The following SVOPL variants were observed in gnomAD, a reference collection of about 807,000 sequenced individuals.
The protein encoded by SVOPL is putative transporter SVOPL.
SVOPL carries 60 observed loss-of-function variants against 61.0 expected under a neutral mutation model. The ratio of observed to expected loss-of-function variants is 0.98; its 90% CI spans 0.80 to 1.22. The LOEUF is 1.22. Ranked by LOEUF, SVOPL falls within the 50% of genes most tolerant of loss-of-function variation. SVOPL has a pLI of 0.00. For missense variants in SVOPL, 662 were observed against 643.9 expected, an observed-to-expected ratio of 1.03 and a Z score of -0.30; for synonymous variants, 279 against 250.0, an observed-to-expected ratio of 1.12 and a Z score of -1.09.
At chr7:138,635,667 T>C (rs1432505098) in intron 9 of SVOPL, among the ~76,000 whole-genome samples, 1 of 152,078 alleles carries the variant, frequency 6.6e-6, no homozygotes, top group Non-Finnish European at 1.5e-5. Context: ...CACGTGGAGA[T>C]GGTGAAGTCT....
Position 138,628,278 on chromosome 7 carries a change from C to A in SVOPL, c.949G>T (p.Asp317Tyr). The change falls in exon 11 of 16, where the codon GAC (aspartate) becomes TAC (tyrosine). Residue 317 changes from aspartate to tyrosine, a missense_variant. Transcript: ENST00000674285. ...ERDLVCGSKS[D>Y]SAVVVTGGDS... ...CCCCCAGTCACCACCACCGCAGAGT[C>A]TGACTTTGAACCACAGACCAAGTCC... 6.2e-7 allele frequency: 1 copy of A among 1,614,220 alleles called. No individual in the cohort carries two copies. The highest frequency in any genetic ancestry group is 8.5e-7 in the Non-Finnish European group (1 of 1,180,048).
intron 14 of SVOPL, among the ~76,000 whole-genome samples, chr7:138,599,170 G>C (rs13229249): frequency 1.8e-4 from 10 of 54,512 alleles, no homozygotes; most frequent in Non-Finnish European, 3.5e-4. Context: ...AAAAAAAAAA[G>C]AAATACAGAA....
intron 9 of SVOPL, among the ~76,000 whole-genome samples, chr7:138,641,834 A>ATATGTTATAT (rs1554464902): frequency 3.4e-5 from 1 of 29,492 alleles, no homozygotes; most frequent in East Asian, 1.3e-3. Context: ...ATATATATAT[A>ATATGTTATAT]ACATATATAT....
intron 14 of SVOPL, among the ~76,000 whole-genome samples, chr7:138,618,711 A>T (rs201843962): frequency 0.14 from 14,478 of 102,328 alleles, 961 homozygotes; most frequent in Non-Finnish European, 0.18. Context: ...CACACGCGCG[A>T]GAGAGAGAGA....
intron 1 of SVOPL, among the ~76,000 whole-genome samples, chr7:138,685,162 C>T (rs545300756): frequency 4.6e-5 from 7 of 152,042 alleles, no homozygotes; most frequent in Non-Finnish European, 1.0e-4. Context: ...CGACTCCCGA[C>T]CTCAGGTGAT....
At chr7:138,611,843 C>G in intron 14 of SVOPL, among the ~76,000 whole-genome samples, 1 of 71,656 alleles carries the variant, frequency 1.4e-5, no homozygotes, top group Non-Finnish European at 2.9e-5. Flanking sequence ...CTTGGCCTCC[C>G]AAAGTGCCGA....
At chr7:138,689,432 T>C (rs368581548) in intron 1 of SVOPL, 1 of 1,208,076 alleles carries the variant, frequency 8.3e-7, no homozygotes. Flanking sequence ...TGATCCTTAC[T>C]GAAAAGGAAC....
chr7:138,696,906 T>C (rs1416739341), intron 1 of SVOPL, among the ~76,000 whole-genome samples: 1 of 152,076 alleles, frequency 6.6e-6, no homozygotes, highest in Non-Finnish European at 1.5e-5. Flanking sequence ...CCCCACCTGC[T>C]CTCCATTACT....
chr7:138,677,793 C>T (rs1802605044), intron 3 of SVOPL, among the ~76,000 whole-genome samples: 2 of 141,490 alleles, frequency 1.4e-5, no homozygotes, highest in South Asian at 2.2e-4. Context: ...GACGCAGTCT[C>T]GCTCTGTCAT....
rs749603417 is a variant in SVOPL at position 138,642,831 on chromosome 7, C to CAAAAAAAAAAAAAAA, written c.789+1871_789+1885dup. On this transcript the variant is annotated intron_variant, in intron 9 of 15. Transcript: ENST00000674285. ...GACGATAGAGCGAGACTCCTACCTCCAAAAAAAAAAAAAAAAAAAGAAGAA... is the reference window on the plus strand; with the variant it reads ...GACGATAGAGCGAGACTCCTACCTCCAAAAAAAAAAAAAAAAAAAAAAAAAAAAAAAAAAGAAGAA... 1.5e-3 allele frequency among the ~76,000 whole-genome samples: 41 copies of CAAAAAAAAAAAAAAA among 26,888 alleles called. 1 individual carries two copies. Among genetic ancestry groups the CAAAAAAAAAAAAAAA allele is most frequent in the South Asian group, 4.0e-3 (2 of 504 alleles). The allele number at this position is 26,888 out of a possible 152,430, so 17.6% of individuals were successfully genotyped here.
At chr7:138,697,208 C>T (rs989660997) in intron 1 of SVOPL, among the ~76,000 whole-genome samples, 10 of 151,758 alleles carry the variant, frequency 6.6e-5, no homozygotes, top group Admixed American at 2.0e-4. Flanking sequence ...CCCATCTCTA[C>T]AAAAATAATA....
intron 4 of SVOPL, among the ~76,000 whole-genome samples, chr7:138,666,315 C>T (rs1802258839): frequency 6.6e-6 from 1 of 152,184 alleles, no homozygotes; most frequent in Non-Finnish European, 1.5e-5. Flanking sequence ...TAGGTTGACA[C>T]TTTCTAAAGT....
chr7:138,662,440 TG>T (rs1048281322), intron 5 of SVOPL: 10 of 985,306 alleles, frequency 1.0e-5, no homozygotes, highest in Non-Finnish European at 1.1e-5. Flanking sequence ...TTGGGTGCTC[TG>T]GGGGGTTAGA....
At chr7:138,641,437 G>A (rs959485053) in intron 9 of SVOPL, among the ~76,000 whole-genome samples, 9 of 152,008 alleles carry the variant, frequency 5.9e-5, no homozygotes. Flanking sequence ...TTGGGAGGCC[G>A]AGGAGGGCGG....
In SVOPL at chr7:138,679,009, T is replaced by A. The variant is rs1439020872; in HGVS notation, c.37A>T (p.Ser13Cys). Residue 13 changes from serine to cysteine, a missense_variant, in exon 2 of 16, where the codon AGC (serine) becomes TGC (cysteine). By Grantham distance (112) the Ser-to-Cys change is moderately radical. Coordinates refer to ENST00000674285, the MANE Select transcript of SVOPL (RefSeq NM_001139456.2). ...TKPTEPVTIL[S>C]LRKLSLGTAE... ...GTCCCCAGGCTCAATTTCCGAAGGC[T>A]GAGGATCGTGACAGGCTCTGTTGGC... 6.4e-7 allele frequency: 1 copy of A among 1,551,668 alleles called. No individual in the cohort carries two copies. The highest frequency in any genetic ancestry group is 2.0e-5 in the Admixed American group (1 of 51,008).
intron 14 of SVOPL, among the ~76,000 whole-genome samples, chr7:138,613,078 G>A (rs1052833306): frequency 8.6e-5 from 13 of 151,560 alleles, no homozygotes; most frequent in South Asian, 2.1e-4. Flanking sequence ...GGAGTGCAGC[G>A]GCACAATCCT....
At chr7:138,634,364 C>T (rs1398882759) in intron 9 of SVOPL, among the ~76,000 whole-genome samples, 1 of 151,924 alleles carries the variant, frequency 6.6e-6, no homozygotes, top group Non-Finnish European at 1.5e-5. Flanking sequence ...AAAATTAAGG[C>T]AGGCACGGTG....
Position 138,650,030 on chromosome 7 carries a change from C to T in SVOPL, c.535-893G>A, listed in dbSNP as rs188490895. On this transcript the variant is annotated intron_variant, in intron 7 of 15. Transcript: ENST00000674285. ...TGTTTTTAGTAGAGACAGTGTTTCA[C>T]CGTGTTGGTCAGGCTGGTCTCAAAC... Among the ~76,000 whole-genome samples, 456 of 152,210 alleles carry T rather than the reference C, an allele frequency of 3.0e-3. 2 individuals are homozygous for T. Among genetic ancestry groups the T allele is most frequent in the Non-Finnish European group, 5.3e-3 (359 of 68,006 alleles).
At chr7:138,695,000 AAGTGCTGGGATTAC>A (rs1803035877) in intron 1 of SVOPL, among the ~76,000 whole-genome samples, 2 of 152,132 alleles carry the variant, frequency 1.3e-5, no homozygotes, top group African/African-American at 4.8e-5. Context: ...CAGCTTCCTA[AAGTGCTGGGATTAC>A]AGGCATGAGC....
Sources: allele counts gnomAD v4.1 joint callset (sites outside exome capture counted in the v4.1 genomes callset), GRCh38; gene constraint gnomAD v4.1.1; transcripts MANE v1.5; gene names NCBI Gene and HGNC (gene_info 2026-07-23, HGNC 2026-07-21).